Variants in STK32B observed in about 807,000 individuals in gnomAD.
STK32B encodes serine/threonine-protein kinase 32B.
Under a neutral mutation model 52.6 loss-of-function variants are expected in STK32B, and 43 were observed. The observed-to-expected ratio is 0.82, with a 90% confidence interval of 0.64 to 1.05. STK32B has a LOEUF of 1.05. STK32B is among the 50% of genes least tolerant of loss of function. The pLI is 0.00. For synonymous variants in STK32B, 238 were observed against 204.3 expected, an observed-to-expected ratio of 1.17 and a Z score of -1.41; for missense variants, 621 against 534.6, an observed-to-expected ratio of 1.16 and a Z score of -1.59.
intron 3 of STK32B, among the ~76,000 whole-genome samples, chr4:5,307,892 T>C (rs1290658232): frequency 1.3e-5 from 2 of 152,110 alleles, no homozygotes; most frequent in East Asian, 1.9e-4. Flanking sequence ...GTGATTGTTA[T>C]TTCTCTTCAG....
chr4:5,322,392 C>T (rs1037096310), intron 3 of STK32B, among the ~76,000 whole-genome samples: 9 of 152,098 alleles, frequency 5.9e-5, no homozygotes, highest in African/African-American at 2.4e-5. Flanking sequence ...TGAGACCTCC[C>T]CTCCATCTGC....
At chr4:5,027,647 C>T in the STK32B span, among the ~76,000 whole-genome samples, 11 of 149,386 alleles carry the variant, frequency 7.4e-5, no homozygotes, top group Non-Finnish European at 1.5e-4. Flanking sequence ...GGTTTTTGTT[C>T]TTTCTGGTTA....
At chr4:5,080,365 C>T (rs1398525459) in intron 1 of STK32B, among the ~76,000 whole-genome samples, 1 of 152,344 alleles carries the variant, frequency 6.6e-6, no homozygotes, top group East Asian at 1.9e-4. Flanking sequence ...TCTTTGAACA[C>T]TCAGGCACTG....
At chr4:5,282,470 C>T (rs564867271) in intron 3 of STK32B, among the ~76,000 whole-genome samples, 16 of 152,222 alleles carry the variant, frequency 1.1e-4, no homozygotes, top group African/African-American at 3.6e-4. Flanking sequence ...ACACTAAGAA[C>T]AATTATACAA....
chr4:5,465,481 G>C (rs536491369), intron 9 of STK32B, among the ~76,000 whole-genome samples: 1 of 152,248 alleles, frequency 6.6e-6, no homozygotes, highest in South Asian at 2.1e-4. Flanking sequence ...TCAGCTTTAG[G>C]TAGCAAGACC....
intron 3 of STK32B, among the ~76,000 whole-genome samples, chr4:5,180,939 G>A (rs527846233): frequency 2.0e-5 from 3 of 152,228 alleles, no homozygotes; most frequent in East Asian, 3.9e-4. Flanking sequence ...TTACTCTCTT[G>A]GGTTTAAGAC....
chr4:5,122,604 C>T (rs1422273278), intron 1 of STK32B, among the ~76,000 whole-genome samples: 1 of 152,146 alleles, frequency 6.6e-6, no homozygotes, highest in Non-Finnish European at 1.5e-5. Context: ...CACCCACTCA[C>T]TCACTTATTC....
At chr4:5,242,570 T>G (rs536250374) in intron 3 of STK32B, among the ~76,000 whole-genome samples, 20 of 152,358 alleles carry the variant, frequency 1.3e-4, no homozygotes, top group Non-Finnish European at 2.8e-4. Context: ...GTGCAGAAGC[T>G]CTTGAGTTTA....
chr4:5,226,587 C>T (rs1723889575), intron 3 of STK32B, among the ~76,000 whole-genome samples: 1 of 152,206 alleles, frequency 6.6e-6, no homozygotes, highest in South Asian at 2.1e-4. Context: ...TCATTAGTCA[C>T]TTAGGAGCAG....
chr4:5,374,778 G>GT (rs1560363245), intron 4 of STK32B, among the ~76,000 whole-genome samples: 1 of 139,834 alleles, frequency 7.2e-6, no homozygotes, highest in Non-Finnish European at 1.5e-5. Context: ...ATTGACGGGG[G>GT]CGGGGGGGGA....
At chr4:5,164,497 C>T (rs775442803) in intron 2 of STK32B, among the ~76,000 whole-genome samples, 34 of 152,166 alleles carry the variant, frequency 2.2e-4, no homozygotes, top group Non-Finnish European at 4.7e-4. Flanking sequence ...TGTCTTAGTC[C>T]GCCTGGGCTG....
chr4:5,085,535 T>C (rs1445066077), intron 1 of STK32B, among the ~76,000 whole-genome samples: 1 of 152,220 alleles, frequency 6.6e-6, no homozygotes, highest in Non-Finnish European at 1.5e-5. Flanking sequence ...CGGATAGTTC[T>C]AAGGAAGCAC....
rs572609642 is a variant in STK32B, at chr4:5,438,774, C to G, written c.563-7899C>G. ...TCCCTCCCCACACCCCACAACAGTT[C>G]CCAGAGTATGATATTCCCCTTCCTG... On this transcript the variant is annotated intron_variant, in intron 6 of 11. Transcript: ENST00000282908. 6.6e-4 allele frequency among the ~76,000 whole-genome samples: 101 copies of G among 152,290 alleles called. 1 individual carries two copies. The highest frequency in any genetic ancestry group is 3.3e-3 in the South Asian group (16 of 4,824).
chr4:5,447,919 A>G (rs969404181), intron 7 of STK32B, among the ~76,000 whole-genome samples: 2 of 152,222 alleles, frequency 1.3e-5, no homozygotes, highest in Non-Finnish European at 2.9e-5. Flanking sequence ...CACAGGCTAC[A>G]GTTTTAATGT....
At chr4:5,428,500 C>T (rs1019471446) in intron 6 of STK32B, among the ~76,000 whole-genome samples, 1 of 152,158 alleles carries the variant, frequency 6.6e-6, no homozygotes, top group Admixed American at 6.5e-5. Flanking sequence ...TTAATTCTGT[C>T]ATGATCAGAG....
intron 4 of STK32B, among the ~76,000 whole-genome samples, chr4:5,371,584 C>T (rs575612329): frequency 5.5e-4 from 84 of 152,130 alleles, no homozygotes; most frequent in Non-Finnish European, 1.0e-3. Context: ...CAGGCCCAGC[C>T]GGCTGAAGGG....
intron 7 of STK32B, among the ~76,000 whole-genome samples, chr4:5,456,401 C>T (rs952180022): frequency 6.6e-6 from 1 of 152,230 alleles, no homozygotes; most frequent in African/African-American, 2.4e-5. Context: ...GGGAAAGTGG[C>T]GGCCAAGGCC....
At chr4:5,437,866 G>C (rs1036848309) in intron 6 of STK32B, 79 of 967,354 alleles carry the variant, frequency 8.2e-5, no homozygotes, top group Non-Finnish European at 9.3e-5. Context: ...ATTCTGAACA[G>C]CCAATGACAT....
intron 1 of STK32B, among the ~76,000 whole-genome samples, chr4:5,065,335 A>G (rs1007482644): frequency 1.3e-5 from 2 of 152,190 alleles, no homozygotes; most frequent in Admixed American, 6.5e-5. Context: ...GTGAACACAT[A>G]AAAGAACTCA....
Sources: allele counts gnomAD v4.1 joint callset (sites outside exome capture counted in the v4.1 genomes callset), GRCh38; gene constraint gnomAD v4.1.1; transcripts MANE v1.5; gene names NCBI Gene and HGNC (gene_info 2026-07-23, HGNC 2026-07-21).